The following MCM5 variants were observed in gnomAD, a reference collection of about 807,000 sequenced individuals.
MCM5 encodes DNA replication licensing factor MCM5.
In MCM5, 46 loss-of-function variants were observed where a neutral mutation model predicts 79.9. The ratio of observed to expected loss-of-function variants is 0.58; its 90% CI spans 0.45 to 0.74. The LOEUF (loss-of-function observed/expected upper bound fraction) is 0.74. Ranked by LOEUF, MCM5 falls within the 30% of genes least tolerant of loss-of-function variation. The pLI is 0.00. For missense variants in MCM5, 883 were observed against 1,017.0 expected (o/e 0.87, Z 1.79); for synonymous variants, 404 against 390.5 (o/e 1.03, Z -0.41).
chr22:35,453,557 A>G, the MCM5 span, among the ~76,000 whole-genome samples: 1 of 96,470 alleles, frequency 1.0e-5, no homozygotes, highest in South Asian at 2.9e-4. Flanking sequence ...AAGGCAGAGG[A>G]GAGAATGACA....
the MCM5 span, among the ~76,000 whole-genome samples, chr22:35,453,819 T>TATATATAGAGAGAGAGAGAGAG: frequency 2.5e-5 from 2 of 81,532 alleles, no homozygotes; most frequent in African/African-American, 1.2e-4. Context: ...TATATATATA[T>TATATATAGAGAGAGAGAGAGAG]AGAGAGAGAG....
intron 4 of MCM5, among the ~76,000 whole-genome samples, chr22:35,406,156 T>C (rs1316355750): frequency 1.3e-5 from 2 of 152,148 alleles, no homozygotes; most frequent in Admixed American, 6.6e-5. Flanking sequence ...TGAACTAGAA[T>C]GTGGGCCCCT....
intron 15 of MCM5, 55 bp downstream of exon 15, chr22:35,421,515 C>G: frequency 6.2e-7 from 1 of 1,611,246 alleles, no homozygotes; most frequent in Non-Finnish European, 8.5e-7. Flanking sequence ...TGGCTCGGAG[C>G]TCTGTGGGCA....
Position 35,416,718 on chromosome 22 carries a change from G to A in MCM5, c.1494G>A (p.Thr498=), listed in dbSNP as rs779853294. ...CAGTGTTCGGCCGCTGGGATGAGAC[G>A]AAGGGGGAGGACAACATTGACTTCA... ...ANSVFGRWDE[T]KGEDNIDFMP... The change falls in exon 12 of 17, where the codon ACG becomes ACA. Residue 498 remains threonine, a synonymous_variant. Transcript: ENST00000216122. 7.4e-6 allele frequency: 12 copies of A among 1,614,018 alleles called. No individual in the cohort carries two copies. Among genetic ancestry groups the A allele is most frequent in the South Asian group, 4.4e-5 (4 of 91,084 alleles).
At position 35,412,561 on chromosome 22, in the gene MCM5, G is replaced by A. The variant is rs757968764; in HGVS notation, c.971G>A (p.Arg324His). 21 of 1,580,940 alleles carry A rather than the reference G, an allele frequency of 1.3e-5. No individual in the cohort carries two copies. Among genetic ancestry groups the A allele is most frequent in the Admixed American group, 1.8e-5 (1 of 56,416 alleles). The change falls in exon 8 of 17, where the codon CGC becomes CAC. Residue 324 changes from arginine (R) to histidine (H), a missense_variant. Around this residue, in one of 3 missense-constraint regions of MCM5, gnomAD observed 455 missense variants for 517.5 expected, o/e 0.88. Coordinates refer to ENST00000216122, the MANE Select transcript of MCM5 (RefSeq NM_006739.4). ...VSPQEEEEFRRLAALPNVYEV... is the reference protein window; with the variant it reads ...VSPQEEEEFRHLAALPNVYEV... ...CCCCAGGAGGAGGAGGAGTTCCGTC[G>A]CCTGGCTGCCCTCCCAAATGTCTAT...
In MCM5 at chr22:35,416,828, C is replaced by CAGGGCTG. The variant is rs1365630360; in HGVS notation, c.1590+15_1590+21dup. The stretch of plus-strand genomic sequence containing the variant: ...GAGAGGGATGTGGTACGTCCAGGGG[C>CAGGGCTG]AGGGCTGGTGGCCATGGGACCTGCC... On this transcript the variant is annotated intron_variant, in intron 12 of 16. Transcript: ENST00000216122. The CAGGGCTG allele has an allele frequency of 6.2e-7, 1 of 1,610,892 alleles. No homozygotes were observed. Among genetic ancestry groups the CAGGGCTG allele is most frequent in the Non-Finnish European group, 8.5e-7 (1 of 1,178,140 alleles).
chr22:35,424,225 G>C lies in MCM5; in HGVS notation c.2175G>C (p.Met725Ile). ...GGCGCGGCGAGATCCAGCATCGCAT[G>C]CAGCGCAAGGTTCTCTACCGCCTCA... is the stretch of plus-strand genomic sequence containing the variant. The part of the protein sequence containing the change: ...MLRRGEIQHR[M>I]QRKVLYRLK Residue 725 changes from methionine to isoleucine, a missense_variant, in exon 17 of 17, where the codon ATG becomes ATC. Met to Ile is a conservative substitution (Grantham distance 10). Around this residue, in one of 3 missense-constraint regions of MCM5, gnomAD observed 426 missense variants for 482.3 expected, o/e 0.88. Coordinates refer to ENST00000216122, the MANE Select transcript of MCM5 (RefSeq NM_006739.4). 6.4e-7 allele frequency: 1 copy of C among 1,552,272 alleles called. No individual in the cohort carries two copies. The highest frequency in any genetic ancestry group is 2.4e-5 in the East Asian group (1 of 41,128).
In MCM5 at chr22:35,416,775, C is replaced by T. The variant is rs1932556623; in HGVS notation, c.1551C>T (p.Ile517=). The T allele has an allele frequency of 1.2e-6, 2 of 1,614,000 alleles. No homozygotes were observed. Among genetic ancestry groups the T allele is most frequent in the Non-Finnish European group, 1.7e-6 (2 of 1,180,050 alleles). Residue 517 remains isoleucine (I), a synonymous_variant, in exon 12 of 17, where the codon ATC becomes ATT. Coordinates refer to ENST00000216122, the MANE Select transcript of MCM5 (RefSeq NM_006739.4). ...CCATCTTGTCGCGCTTCGACATGAT[C>T]TTCATCGTCAAGGATGAGCACAATG... ...MPTILSRFDM[I]FIVKDEHNEE...
At position 35,416,093 on chromosome 22, in the gene MCM5, G is replaced by T. The variant is rs1047457306; in HGVS notation, c.1347+121G>T. On this transcript the variant is annotated intron_variant, in intron 10 of 16. Coordinates refer to ENST00000216122, the MANE Select transcript of MCM5 (RefSeq NM_006739.4). ...AGACATGTTTTCAATCCCTGGGCCG[G>T]TCACTCTAGTAACTGTGGGAAGCTG... 3.6e-5 allele frequency: 46 copies of T among 1,272,816 alleles called. 1 individual carries two copies. In the South Asian group the frequency reaches 3.6e-4, roughly 10 times the overall value. 78.8% of individuals were successfully genotyped at this position (1,272,816 alleles called of 1,614,324 possible). A position where few individuals can be genotyped will look rare whatever the true frequency, so the allele number is the denominator to read the frequency against.
intron 2 of MCM5, 33 bp downstream of exon 2, chr22:35,400,638 C>G (rs1176783144): frequency 2.6e-6 from 4 of 1,550,216 alleles, no homozygotes; most frequent in Non-Finnish European, 3.5e-6. Flanking sequence ...GGCTCGAGTT[C>G]CAGTGTGGCC....
the MCM5 span, among the ~76,000 whole-genome samples, chr22:35,446,849 T>G: frequency 6.6e-6 from 1 of 152,012 alleles, no homozygotes; most frequent in Non-Finnish European, 1.5e-5. Context: ...GGGGGTTTGT[T>G]CTAGAGATTC....
At position 35,410,725 on chromosome 22, in the gene MCM5, T is replaced by G. The variant is rs757024035; in HGVS notation, c.753-19T>G. 6.2e-7 allele frequency: 1 copy of G among 1,612,474 alleles called. No homozygotes were observed. The highest frequency in any genetic ancestry group is 8.5e-7 in the Non-Finnish European group (1 of 1,178,600). On this transcript the variant is annotated intron_variant, in intron 6 of 16. Coordinates refer to ENST00000216122, the MANE Select transcript of MCM5 (RefSeq NM_006739.4). ...TCAGAATCTCAGCTTTTCTCCTTTC[T>G]CCTCTACCCTCCTCTCAGGTACCTG... is the stretch of plus-strand genomic sequence containing the variant.
intron 13 of MCM5, 30 bp downstream of exon 13, chr22:35,417,886 G>A (rs762453575): frequency 1.3e-6 from 2 of 1,555,146 alleles, no homozygotes; most frequent in Non-Finnish European, 1.8e-6. Context: ...CCACGGGGGT[G>A]AGGTTGCCCA....
At chr22:35,402,005 G>A (rs1932068652) in intron 2 of MCM5, among the ~76,000 whole-genome samples, 1 of 152,190 alleles carries the variant, frequency 6.6e-6, no homozygotes, top group South Asian at 2.1e-4. Context: ...GGACATAAGG[G>A]AGACGGGGCT....
chr22:35,446,112 G>A, the MCM5 span, among the ~76,000 whole-genome samples: 2 of 152,240 alleles, frequency 1.3e-5, no homozygotes, highest in African/African-American at 4.8e-5. Flanking sequence ...TCTGTACTGA[G>A]TGCTGGAACA....
At chr22:35,412,780 A>T in intron 8 of MCM5, 99 bp downstream of exon 8, 1 of 1,076,122 alleles carries the variant, frequency 9.3e-7, no homozygotes, top group Non-Finnish European at 1.2e-6. Context: ...TCTTTTTTGT[A>T]TTTCCTGGGC....
At chr22:35,406,497 C>A in intron 4 of MCM5, 56 bp from the exon 5 acceptor site, 1 of 1,532,668 alleles carries the variant, frequency 6.5e-7, no homozygotes, top group South Asian at 1.2e-5. Context: ...ACTGGCATAT[C>A]TCAGATGCGT....
chr22:35,408,663 G>A, intron 6 of MCM5, 100 bp downstream of exon 6: 1 of 1,360,974 alleles, frequency 7.3e-7, no homozygotes, highest in Non-Finnish European at 1.0e-6. Context: ...AGCAGGGTGA[G>A]TAGGGTGGAG....
At chr22:35,438,807 CCA>C in the MCM5 span, among the ~76,000 whole-genome samples, 94 of 148,834 alleles carry the variant, frequency 6.3e-4, 5 homozygotes, top group South Asian at 4.8e-3. Context: ...ATCCATCCAT[CCA>C]TCCATCCGTC....
Sources: gnomAD v4.1 joint callset for allele counts (sites outside exome capture counted in the v4.1 genomes callset) on GRCh38, gnomAD v4.1.1 for gene constraint, gnomAD v4.1.1 regional missense constraint, MANE v1.5 for transcripts, NCBI Gene and HGNC (gene_info 2026-07-23, HGNC 2026-07-21) for gene names.